Variants in SLCO2A1 observed in about 807,000 individuals in gnomAD.
SLCO2A1 encodes the protein solute carrier organic anion transporter family member 2A1, also known as matrin F/G 1.
SLCO2A1 carries 60 observed loss-of-function variants against 71.7 expected under a neutral mutation model. The ratio of observed to expected loss-of-function variants is 0.84; its 90% CI spans 0.68 to 1.04. The LOEUF is 1.04. Among genes scored for constraint, SLCO2A1 ranks in the 50% least tolerant of loss-of-function variants. The pLI is 0.00. For synonymous variants in SLCO2A1, 308 were observed against 326.7 expected, an observed-to-expected ratio of 0.94 and a Z score of 0.62; for missense variants, 745 against 813.4, an observed-to-expected ratio of 0.92 and a Z score of 1.02.
At chr3:133,966,183 C>A (rs886693664) in intron 3 of SLCO2A1, among the ~76,000 whole-genome samples, 1 of 152,168 alleles carries the variant, frequency 6.6e-6, no homozygotes, top group Non-Finnish European at 1.5e-5. Context: ...GACACAGCCA[C>A]GCCCACTTGC....
chr3:133,959,274 G>A (rs979019278), intron 3 of SLCO2A1, among the ~76,000 whole-genome samples: 2 of 152,022 alleles, frequency 1.3e-5, no homozygotes, highest in African/African-American at 4.8e-5. Flanking sequence ...CACAGGTACT[G>A]TGCCTAACAA....
chr3:133,973,519 A>G (rs1934377189), intron 3 of SLCO2A1, 144 bp downstream of exon 3: 10 of 850,894 alleles, frequency 1.2e-5, no homozygotes, highest in Non-Finnish European at 1.6e-5. Flanking sequence ...CAGTTGCTCC[A>G]TAGCTCTACA....
rs1282766956 is a variant in SLCO2A1, at chr3:133,933,645, T to G, written c.*1068A>C. 6.6e-6 allele frequency: 1 copy of G among 152,256 alleles called. No homozygotes were observed. The highest frequency in any genetic ancestry group is 1.5e-5 in the Non-Finnish European group (1 of 68,060). 9.4% of individuals were successfully genotyped at this position (152,256 alleles called of 1,614,324 possible). Reference sequence around the variant, plus strand: ...CTGAAACCAGGAAAGCCAACCTGACTGGCTGTTTTGTGGGCCGCAGCTTGC... The same window carrying G: ...CTGAAACCAGGAAAGCCAACCTGACGGGCTGTTTTGTGGGCCGCAGCTTGC... On this transcript the variant is annotated 3_prime_UTR_variant, in exon 14 of 14. Transcript: ENST00000310926.
chr3:133,979,934 C>T (rs1934548517), intron 1 of SLCO2A1, among the ~76,000 whole-genome samples: 1 of 152,126 alleles, frequency 6.6e-6, no homozygotes, highest in Admixed American at 6.5e-5. Flanking sequence ...AAGGGCCTAA[C>T]TGCTCAGCTG....
intron 1 of SLCO2A1, among the ~76,000 whole-genome samples, chr3:133,999,083 T>C (rs1017352801): frequency 1.3e-5 from 2 of 152,168 alleles, no homozygotes; most frequent in African/African-American, 4.8e-5. Context: ...CCTTTCCTGA[T>C]CCCTTCTCTA....
chr3:133,938,361 C>T, intron 12 of SLCO2A1, 68 bp downstream of exon 12: 1 of 1,352,820 alleles, frequency 7.4e-7, no homozygotes, highest in Non-Finnish European at 1.1e-6. Context: ...CGCTACCCTG[C>T]ACCCATAGCC....
intron 1 of SLCO2A1, among the ~76,000 whole-genome samples, chr3:133,992,594 GC>G (rs1934877856): frequency 6.6e-6 from 1 of 152,144 alleles, no homozygotes; most frequent in Non-Finnish European, 1.5e-5. Context: ...ACCACCCATG[GC>G]CCGCCCTGCA....
chr3:134,005,201 G>A (rs959493886), intron 1 of SLCO2A1, among the ~76,000 whole-genome samples: 1 of 152,196 alleles, frequency 6.6e-6, no homozygotes, highest in African/African-American at 2.4e-5. Flanking sequence ...TCCCTCGTCA[G>A]TTTTAGACAT....
At chr3:133,980,767 C>T (rs1435663515) in intron 1 of SLCO2A1, among the ~76,000 whole-genome samples, 1 of 152,242 alleles carries the variant, frequency 6.6e-6, no homozygotes, top group Non-Finnish European at 1.5e-5. Flanking sequence ...AGAACCTTTG[C>T]GAGGCCAGCT....
At chr3:133,982,252 C>G (rs1934612367) in intron 1 of SLCO2A1, among the ~76,000 whole-genome samples, 1 of 152,282 alleles carries the variant, frequency 6.6e-6, no homozygotes, top group East Asian at 1.9e-4. Context: ...ACTTCAGATG[C>G]CTTGCCAGAT....
At chr3:133,987,551 C>T (rs898546606) in intron 1 of SLCO2A1, among the ~76,000 whole-genome samples, 5 of 152,208 alleles carry the variant, frequency 3.3e-5, no homozygotes, top group African/African-American at 9.6e-5. Flanking sequence ...TGGACCAAAC[C>T]AATGTATTTC....
chr3:134,010,999 T>C (rs897457146), intron 1 of SLCO2A1, among the ~76,000 whole-genome samples: 6 of 152,206 alleles, frequency 3.9e-5, no homozygotes, highest in Non-Finnish European at 5.9e-5. Context: ...ACCCCAGTCC[T>C]TATAAATTTT....
intron 1 of SLCO2A1, among the ~76,000 whole-genome samples, chr3:134,000,567 T>G (rs560130550): frequency 6.6e-6 from 1 of 152,078 alleles, no homozygotes; most frequent in African/African-American, 2.4e-5. Flanking sequence ...GATCACTGGG[T>G]TTTAGCCTAC....
chr3:133,991,055 A>T (rs553192604), intron 1 of SLCO2A1, among the ~76,000 whole-genome samples: 14 of 152,270 alleles, frequency 9.2e-5, no homozygotes, highest in African/African-American at 3.1e-4. Flanking sequence ...GACTGCAGTG[A>T]GCCAAGATCG....
At chr3:133,973,628 CTT>C in intron 3 of SLCO2A1, 33 bp downstream of exon 3, 1 of 1,610,060 alleles carries the variant, frequency 6.2e-7, no homozygotes, top group Non-Finnish European at 8.5e-7. Context: ...TCACCCATTC[CTT>C]ACCCCTTGAG....
At chr3:133,986,209 T>C (rs1404346136) in intron 1 of SLCO2A1, among the ~76,000 whole-genome samples, 1 of 152,230 alleles carries the variant, frequency 6.6e-6, no homozygotes, top group Non-Finnish European at 1.5e-5. Flanking sequence ...CATGAGGTAT[T>C]CAAAATAATG....
chr3:133,937,715 C>T (rs1933306127), intron 12 of SLCO2A1, among the ~76,000 whole-genome samples: 1 of 152,220 alleles, frequency 6.6e-6, no homozygotes, highest in Admixed American at 6.5e-5. Flanking sequence ...CAATTAGGTC[C>T]CTTTACTACT....
intron 3 of SLCO2A1, among the ~76,000 whole-genome samples, chr3:133,973,006 T>C (rs1934362769): frequency 6.6e-6 from 1 of 152,164 alleles, no homozygotes; most frequent in South Asian, 2.1e-4. Context: ...TAACAATTTA[T>C]AATAATGACC....
At chr3:133,990,010 GA>G (rs1934804632) in intron 1 of SLCO2A1, among the ~76,000 whole-genome samples, 2 of 152,224 alleles carry the variant, frequency 1.3e-5, no homozygotes, top group African/African-American at 4.8e-5. Context: ...TTCTAGGAGA[GA>G]AGGTTTCTTG....
Sources: gnomAD v4.1 joint callset for allele counts (sites outside exome capture counted in the v4.1 genomes callset) on GRCh38, gnomAD v4.1.1 for gene constraint, MANE v1.5 for transcripts, NCBI Gene and HGNC (gene_info 2026-07-23, HGNC 2026-07-21) for gene names.